The following AKAP19 variants were observed in gnomAD, a reference collection of about 807,000 sequenced individuals.
The protein encoded by AKAP19 is A-kinase anchoring protein 19.
the AKAP19 span, among the ~76,000 whole-genome samples, chr2:189,886,912 A>G: frequency 1.3e-5 from 2 of 152,004 alleles, no homozygotes; most frequent in African/African-American, 4.8e-5. Context: ...ACACACAAAA[A>G]TGCAGGCCCT....
the AKAP19 span, among the ~76,000 whole-genome samples, chr2:189,983,858 A>G: frequency 6.6e-6 from 1 of 152,208 alleles, no homozygotes; most frequent in Non-Finnish European, 1.5e-5. Context: ...ACAGAGTACA[A>G]AAGAGAGAAA....
the AKAP19 span, among the ~76,000 whole-genome samples, chr2:190,074,793 C>T: frequency 1.3e-5 from 2 of 152,108 alleles, no homozygotes; most frequent in Non-Finnish European, 2.9e-5. Flanking sequence ...GAAAACTAGC[C>T]ATGTGGATCC....
chr2:190,059,280 T>C, the AKAP19 span, among the ~76,000 whole-genome samples: 2 of 151,954 alleles, frequency 1.3e-5, no homozygotes, highest in African/African-American at 4.8e-5. Flanking sequence ...CCTAAATTTG[T>C]ACTAGGAATT....
At chr2:189,924,993 A>G in the AKAP19 span, among the ~76,000 whole-genome samples, 18 of 152,272 alleles carry the variant, frequency 1.2e-4, no homozygotes, top group South Asian at 1.0e-3. Context: ...TTAAACAGAA[A>G]CACACTTTCT....
chr2:189,957,114 G>A, the AKAP19 span, among the ~76,000 whole-genome samples: 1 of 152,288 alleles, frequency 6.6e-6, no homozygotes, highest in Non-Finnish European at 1.5e-5. Context: ...GGTAGAGGTT[G>A]CAGTGAGCCG....
At chr2:190,001,344 G>A in the AKAP19 span, among the ~76,000 whole-genome samples, 36 of 152,088 alleles carry the variant, frequency 2.4e-4, no homozygotes, top group Middle Eastern at 0.01. Flanking sequence ...TTCTATTAAC[G>A]GCTTTCTCCC....
the AKAP19 span, among the ~76,000 whole-genome samples, chr2:190,141,424 G>C: frequency 6.6e-6 from 1 of 152,200 alleles, no homozygotes; most frequent in African/African-American, 2.4e-5. Flanking sequence ...AAAGAAAAGA[G>C]GTTTAATTGA....
At chr2:190,137,120 A>G in the AKAP19 span, among the ~76,000 whole-genome samples, 1 of 152,234 alleles carries the variant, frequency 6.6e-6, no homozygotes. Context: ...TGTCATCCAT[A>G]TCATCAATAA....
At chr2:189,941,538 C>G in the AKAP19 span, among the ~76,000 whole-genome samples, 2 of 152,078 alleles carry the variant, frequency 1.3e-5, no homozygotes, top group African/African-American at 4.8e-5. Context: ...TCACACTTTT[C>G]TTTGAGATCC....
the AKAP19 span, among the ~76,000 whole-genome samples, chr2:190,013,343 G>T: frequency 4.6e-5 from 7 of 152,010 alleles, no homozygotes; most frequent in Admixed American, 2.6e-4. Context: ...TTGGTAGGTT[G>T]TATGTGTCTA....
chr2:189,973,716 T>G, the AKAP19 span, among the ~76,000 whole-genome samples: 405 of 152,044 alleles, frequency 2.7e-3, 1 homozygote, highest in African/African-American at 9.3e-3. Flanking sequence ...TCTTGGGAGG[T>G]TGTATGTGTC....
the AKAP19 span, among the ~76,000 whole-genome samples, chr2:189,904,366 T>C: frequency 3.3e-5 from 5 of 152,072 alleles, no homozygotes; most frequent in African/African-American, 1.2e-4. Context: ...ACTCTTGGTT[T>C]AGTAGTTTTC....
At chr2:190,136,106 A>G in the AKAP19 span, among the ~76,000 whole-genome samples, 1 of 151,236 alleles carries the variant, frequency 6.6e-6, no homozygotes, top group East Asian at 1.9e-4. Context: ...GGTGTCTACT[A>G]CATGTGAACA....
the AKAP19 span, among the ~76,000 whole-genome samples, chr2:189,897,918 T>A: frequency 1.3e-5 from 2 of 152,100 alleles, no homozygotes; most frequent in Non-Finnish European, 2.9e-5. Context: ...AATAGAAAAG[T>A]GAGAGTAGGG....
chr2:190,020,880 C>T, the AKAP19 span, among the ~76,000 whole-genome samples: 1 of 152,142 alleles, frequency 6.6e-6, no homozygotes, highest in African/African-American at 2.4e-5. Context: ...CCTTTTGTGA[C>T]TGACTTATTT....
the AKAP19 span, among the ~76,000 whole-genome samples, chr2:189,963,199 C>CTTTTTTTTTTTTTTTTTTTTT: frequency 7.3e-6 from 1 of 136,842 alleles, no homozygotes. Context: ...CTTCACTTCT[C>CTTTTTTTTTTTTTTTTTTTTT]TTTTTTTTTT....
At chr2:189,949,631 CTTTTTTTTTTTT>C in the AKAP19 span, among the ~76,000 whole-genome samples, 4 of 117,776 alleles carry the variant, frequency 3.4e-5, no homozygotes, top group Non-Finnish European at 3.6e-5. Flanking sequence ...CTTTTTCTTT[CTTTTTTTTTTTT>C]TTTTTTTTTA....
the AKAP19 span, among the ~76,000 whole-genome samples, chr2:189,882,539 G>T: frequency 6.6e-6 from 1 of 152,134 alleles, no homozygotes; most frequent in Non-Finnish European, 1.5e-5. Flanking sequence ...ACAAAAGGTT[G>T]CATTCTTTTG....
At chr2:190,067,402 A>G in the AKAP19 span, among the ~76,000 whole-genome samples, 13 of 152,336 alleles carry the variant, frequency 8.5e-5, no homozygotes, top group Admixed American at 3.9e-4. Flanking sequence ...CACTACTTCA[A>G]TTGAATACTT....
Sources: gnomAD v4.1 joint callset for allele counts (sites outside exome capture counted in the v4.1 genomes callset) on GRCh38, gnomAD v4.1.1 for gene constraint, MANE v1.5 for transcripts, NCBI Gene and HGNC (gene_info 2026-07-23, HGNC 2026-07-21) for gene names.